VAPB: variants seen among roughly 807,000 people sequenced by gnomAD.
VAPB encodes VAMP associated protein B and C, also known as vesicle-associated membrane protein-associated protein B/C.
Under a neutral mutation model 25.6 loss-of-function variants are expected in VAPB, and 7 were observed. The ratio of observed to expected loss-of-function variants is 0.27; its 90% CI spans 0.16 to 0.51. The LOEUF (loss-of-function observed/expected upper bound fraction) is 0.51. Ranked by LOEUF, VAPB falls within the 20% of genes least tolerant of loss-of-function variation. The pLI is 0.97. For missense variants in VAPB, 266 were observed against 301.3 expected, an observed-to-expected ratio of 0.88 and a Z score of 0.87; for synonymous variants, 112 against 109.2, an observed-to-expected ratio of 1.03 and a Z score of -0.16.
chr20:58,404,709 A>G (rs539936075), intron 1 of VAPB, among the ~76,000 whole-genome samples: 1 of 152,348 alleles, frequency 6.6e-6, no homozygotes, highest in East Asian at 1.9e-4. Context: ...ACTGTTAAAT[A>G]TGAGCTAACG....
At chr20:58,413,420 C>T (rs1245296226) in intron 1 of VAPB, among the ~76,000 whole-genome samples, 4 of 152,068 alleles carry the variant, frequency 2.6e-5, no homozygotes, top group Non-Finnish European at 2.9e-5. Flanking sequence ...ATCCATTTAA[C>T]CCTGAGTGGA....
chr20:58,391,927 C>T (rs1987808936), intron 1 of VAPB, among the ~76,000 whole-genome samples: 1 of 152,126 alleles, frequency 6.6e-6, no homozygotes, highest in African/African-American at 2.4e-5. Flanking sequence ...GATCTCAGTC[C>T]CTTTATGCAT....
At chr20:58,396,650 C>T (rs1053330444) in intron 1 of VAPB, among the ~76,000 whole-genome samples, 1 of 152,100 alleles carries the variant, frequency 6.6e-6, no homozygotes, top group Non-Finnish European at 1.5e-5. Context: ...GTGAAATGTG[C>T]CCCCCAACAC....
rs1987712380 is a variant in VAPB, at chr20:58,389,278, CCTGCGCCT to C, written c.-181_-174del. The C allele has an allele frequency of 9.8e-6, 7 of 712,856 alleles. No homozygotes were observed. The highest frequency in any genetic ancestry group is 1.5e-5 in the Non-Finnish European group (6 of 403,674). The allele number at this position is 712,856 out of a possible 1,614,324, so 44.2% of individuals were successfully genotyped here. A position where few individuals can be genotyped will look rare whatever the true frequency, so the allele number is the denominator to read the frequency against. ...CGCGGCCTCGCCCTCGCCCTCCGCC[CCTGCGCCT>C]GCACCGCGTAGACCGACCCCCCCCC... is the stretch of plus-strand genomic sequence containing the variant. On this transcript the variant is annotated 5_prime_UTR_variant, in exon 1 of 6. Coordinates refer to ENST00000475243, the MANE Select transcript of VAPB (RefSeq NM_004738.5).
At chr20:58,437,357 G>T (rs1360382736) in intron 3 of VAPB, among the ~76,000 whole-genome samples, 1 of 151,962 alleles carries the variant, frequency 6.6e-6, no homozygotes, top group Non-Finnish European at 1.5e-5. Flanking sequence ...ATTTCCTCAT[G>T]ATTAAATTCA....
intron 1 of VAPB, among the ~76,000 whole-genome samples, chr20:58,402,410 C>T (rs894292113): frequency 1.3e-5 from 2 of 152,170 alleles, no homozygotes; most frequent in South Asian, 2.1e-4. Context: ...CTTTGAGGCT[C>T]AGCACAGGCT....
intron 2 of VAPB, among the ~76,000 whole-genome samples, chr20:58,429,140 CTTT>C (rs11478890): frequency 2.8e-5 from 4 of 140,436 alleles, no homozygotes; most frequent in Non-Finnish European, 4.7e-5. Flanking sequence ...GCTTGTTAGA[CTTT>C]TTTTTTTTTT....
At chr20:58,389,917 G>A (rs1309219900) in intron 1 of VAPB, among the ~76,000 whole-genome samples, 2 of 152,210 alleles carry the variant, frequency 1.3e-5, no homozygotes, top group Admixed American at 6.5e-5. Context: ...GCTGCTCAGA[G>A]AGGCCTGCTG....
chr20:58,389,271 C>A lies in VAPB; in HGVS notation c.-189C>A. 1.4e-6 allele frequency: 1 copy of A among 696,384 alleles called. No homozygotes were observed. The highest frequency in any genetic ancestry group is 2.6e-6 in the Non-Finnish European group (1 of 390,762). The allele number at this position is 696,384 out of a possible 1,614,324, so 43.1% of individuals were successfully genotyped here. ...CGGGCACCGCGGCCTCGCCCTCGCC[C>A]TCCGCCCCTGCGCCTGCACCGCGTA... On this transcript the variant is annotated 5_prime_UTR_variant, in exon 1 of 6. Transcript: ENST00000475243.
At chr20:58,409,595 G>C (rs1433893928) in intron 1 of VAPB, among the ~76,000 whole-genome samples, 2 of 152,132 alleles carry the variant, frequency 1.3e-5, no homozygotes, top group East Asian at 3.8e-4. Flanking sequence ...GTGAAAAGGA[G>C]AGATACTGTA....
chr20:58,408,895 C>T (rs1414507348), intron 1 of VAPB, among the ~76,000 whole-genome samples: 1 of 130,652 alleles, frequency 7.7e-6, no homozygotes, highest in African/African-American at 2.8e-5. Flanking sequence ...CAGACACCCC[C>T]CCCCCCCACC....
At chr20:58,393,545 C>G (rs1340292260) in intron 1 of VAPB, among the ~76,000 whole-genome samples, 1 of 152,160 alleles carries the variant, frequency 6.6e-6, no homozygotes, top group Non-Finnish European at 1.5e-5. Flanking sequence ...TTCTTTCATT[C>G]CCTTCTCCCT....
chr20:58,404,335 G>C (rs541847695), intron 1 of VAPB, among the ~76,000 whole-genome samples: 1 of 152,166 alleles, frequency 6.6e-6, no homozygotes, highest in South Asian at 2.1e-4. Context: ...TCAGCCATTT[G>C]ATGCCCCCAG....
Position 58,449,575 on chromosome 20 carries a change from G to T in VAPB, c.*5340G>T, listed in dbSNP as rs762416900. The stretch of plus-strand genomic sequence containing the variant: ...TAAATATTTGCAGTTATGATACCTT[G>T]GAATGTTGCCACGATATGGATTGCT... On this transcript the variant is annotated 3_prime_UTR_variant, in exon 6 of 6. Transcript: ENST00000475243. 2 of 453,940 alleles carry T rather than the reference G, an allele frequency of 4.4e-6. No homozygotes were observed. Among genetic ancestry groups the T allele is most frequent in the South Asian group, 3.1e-5 (2 of 64,480 alleles). 28.1% of individuals were successfully genotyped at this position (453,940 alleles called of 1,614,324 possible).
chr20:58,432,025 T>C (rs1456575098), intron 2 of VAPB, among the ~76,000 whole-genome samples: 1 of 152,110 alleles, frequency 6.6e-6, no homozygotes, highest in African/African-American at 2.4e-5. Flanking sequence ...CATGAAAGTA[T>C]TGGGGATGAA....
In VAPB at chr20:58,436,992, C is replaced by CTTTTTTTTTT. The variant is rs34944837; in HGVS notation, c.316-1937_316-1928dup. On this transcript the variant is annotated intron_variant, in intron 3 of 5. Transcript: ENST00000475243. Reference sequence around the variant, plus strand: ...ACCTTTTTGTTTTTCAAACTTTGAACTTTTTTTTTTTTTTTTTTTTTTTTT... The same window carrying CTTTTTTTTTT: ...ACCTTTTTGTTTTTCAAACTTTGAACTTTTTTTTTTTTTTTTTTTTTTTTTTTTTTTTTTT... Among the ~76,000 whole-genome samples, 27 of 77,434 alleles carry CTTTTTTTTTT rather than the reference C, an allele frequency of 3.5e-4. 1 individual carries two copies. Among genetic ancestry groups the CTTTTTTTTTT allele is most frequent in the African/African-American group, 4.9e-4 (9 of 18,528 alleles). 50.8% of individuals were successfully genotyped at this position (77,434 alleles called of 152,430 possible).
At chr20:58,396,260 C>A (rs553129833) in intron 1 of VAPB, among the ~76,000 whole-genome samples, 2 of 152,238 alleles carry the variant, frequency 1.3e-5, no homozygotes, top group East Asian at 1.9e-4. Flanking sequence ...GATGTCTTCA[C>A]GCTTTTGGGG....
chr20:58,443,960 TG>T, intron 5 of VAPB, 116 bp from the exon 6 acceptor site: 8 of 1,481,400 alleles, frequency 5.4e-6, no homozygotes, highest in Non-Finnish European at 7.5e-6. Flanking sequence ...AAAATGCGGT[TG>T]GACCATATCA....
rs898431153 is a variant in VAPB, at chr20:58,446,025, G to T, written c.*1790G>T. 1.1e-5 allele frequency: 5 copies of T among 454,116 alleles called. No individual in the cohort carries two copies. Among genetic ancestry groups the T allele is most frequent in the South Asian group, 1.6e-5 (1 of 64,480 alleles). The allele number at this position is 454,116 out of a possible 1,614,324, so 28.1% of individuals were successfully genotyped here. On this transcript the variant is annotated 3_prime_UTR_variant, in exon 6 of 6. Coordinates refer to ENST00000475243, the MANE Select transcript of VAPB (RefSeq NM_004738.5). ...GGTCAGGGGCCTTGAAACTGGAGAA[G>T]TGGAAGTCTATGGTTGGTCTGAGTA...
Sources: allele counts gnomAD v4.1 joint callset (sites outside exome capture counted in the v4.1 genomes callset), GRCh38; gene constraint gnomAD v4.1.1; transcripts MANE v1.5; gene names NCBI Gene and HGNC (gene_info 2026-07-23, HGNC 2026-07-21).